ELMO1: variants seen among roughly 807,000 people sequenced by gnomAD.
ELMO1 encodes engulfment and cell motility protein 1.
A neutral mutation model predicts 98.9 loss-of-function variants in ELMO1; 26 were observed. That is an observed-to-expected ratio of 0.26 (90% CI 0.19 to 0.36). The LOEUF (loss-of-function observed/expected upper bound fraction) is 0.36, where lower values mean the gene tolerates loss of function less well. Among genes scored for constraint, ELMO1 ranks in the 10% least tolerant of loss-of-function variants. ELMO1 has a pLI of 1.00. For missense variants in ELMO1, 627 were observed against 935.2 expected (o/e 0.67, Z 4.30); for synonymous variants, 346 against 346.0 (o/e 1.00, Z 0.00).
intron 16 of ELMO1, among the ~76,000 whole-genome samples, chr7:36,924,861 G>C (rs1272535848): frequency 6.6e-6 from 1 of 152,158 alleles, no homozygotes; most frequent in Non-Finnish European, 1.5e-5. Flanking sequence ...AACAGCTTTG[G>C]GAAAGGTTGT....
chr7:36,960,456 AC>A (rs770748358), intron 16 of ELMO1, among the ~76,000 whole-genome samples: 6 of 152,034 alleles, frequency 3.9e-5, no homozygotes, highest in Non-Finnish European at 8.8e-5. Context: ...CTTGCTGTCC[AC>A]CTCAAGCCCT....
At chr7:36,862,971 C>T (rs3778706) in intron 20 of ELMO1, among the ~76,000 whole-genome samples, 67,707 of 152,082 alleles carry the variant, frequency 0.45, 15,998 homozygotes, top group Non-Finnish European at 0.53. Context: ...GAATTTCAGA[C>T]GGATTAAAGA....
At chr7:37,081,622 T>C (rs1797870200) in intron 15 of ELMO1, among the ~76,000 whole-genome samples, 1 of 152,218 alleles carries the variant, frequency 6.6e-6, no homozygotes, top group African/African-American at 2.4e-5. Context: ...CCCCTTTCAC[T>C]TGGCTCTCAT....
chr7:37,339,628 T>C (rs1800610612), intron 2 of ELMO1, among the ~76,000 whole-genome samples: 1 of 152,158 alleles, frequency 6.6e-6, no homozygotes, highest in Admixed American at 6.5e-5. Flanking sequence ...TACTTCTAAT[T>C]CTTGTGCCAA....
At chr7:37,041,942 C>T (rs1370215812) in intron 15 of ELMO1, among the ~76,000 whole-genome samples, 4 of 151,954 alleles carry the variant, frequency 2.6e-5, no homozygotes, top group South Asian at 2.1e-4. Flanking sequence ...TTACATTTCA[C>T]GATATATGTA....
chr7:37,305,275 GT>G (rs1248414092), intron 4 of ELMO1, among the ~76,000 whole-genome samples: 3 of 152,162 alleles, frequency 2.0e-5, no homozygotes, highest in Non-Finnish European at 4.4e-5. Context: ...CTTAGAGGAC[GT>G]TATTTGCTAT....
intron 4 of ELMO1, among the ~76,000 whole-genome samples, chr7:37,282,579 CA>C (rs1405667702): frequency 1.3e-5 from 2 of 151,966 alleles, no homozygotes; most frequent in East Asian, 3.9e-4. Flanking sequence ...GTTAAGGAAG[CA>C]TATTAGAAAT....
chr7:37,096,771 G>T lies in ELMO1; in HGVS notation c.1192-44C>A, dbSNP rs746114632. ...CAGATTAGAAAGGAAATTCAATTGT[G>T]GAAAACATCAAGAATATCACCTTCA... is the stretch of plus-strand genomic sequence containing the variant. On this transcript the variant is annotated intron_variant, in intron 14 of 21. Coordinates refer to ENST00000310758, the MANE Select transcript of ELMO1 (RefSeq NM_014800.11). 2.6e-6 allele frequency: 4 copies of T among 1,535,142 alleles called. No homozygotes were observed. The African/African-American group carries it at 5.5e-5, about 21-fold the overall frequency.
At chr7:37,344,228 C>T (rs979514554) in intron 1 of ELMO1, among the ~76,000 whole-genome samples, 16 of 152,058 alleles carry the variant, frequency 1.1e-4, no homozygotes, top group Admixed American at 8.5e-4. Context: ...GACAGGGTTT[C>T]GCCATGTTGG....
At chr7:37,120,631 C>T (rs1196098656) in intron 14 of ELMO1, among the ~76,000 whole-genome samples, 1 of 152,238 alleles carries the variant, frequency 6.6e-6, no homozygotes, top group Non-Finnish European at 1.5e-5. Context: ...GGCCGGGAAG[C>T]TCAAACTGGG....
chr7:37,086,440 C>A (rs1347162661), intron 15 of ELMO1, among the ~76,000 whole-genome samples: 1 of 150,268 alleles, frequency 6.7e-6, no homozygotes, highest in East Asian at 2.0e-4. Context: ...TATAGATGAA[C>A]CTGGGTGAAT....
At chr7:37,070,153 A>G (rs190929782) in intron 15 of ELMO1, among the ~76,000 whole-genome samples, 5 of 152,332 alleles carry the variant, frequency 3.3e-5, no homozygotes, top group African/African-American at 9.6e-5. Flanking sequence ...GTAAGGAGAT[A>G]GCAATCAAAG....
chr7:37,366,126 A>C (rs2131341599), intron 1 of ELMO1, among the ~76,000 whole-genome samples: 1 of 152,342 alleles, frequency 6.6e-6, no homozygotes, highest in East Asian at 1.9e-4. Flanking sequence ...ATGAGAAAGA[A>C]AATTCAGAAA....
At chr7:37,015,177 G>A (rs191444792) in intron 15 of ELMO1, among the ~76,000 whole-genome samples, 1 of 152,088 alleles carries the variant, frequency 6.6e-6, no homozygotes, top group African/African-American at 2.4e-5. Context: ...CATGGGCCTG[G>A]AGCAATGCAC....
Position 37,412,957 on chromosome 7 carries a change from C to G in ELMO1, c.-74+35718G>C, listed in dbSNP as rs1294368346. On this transcript the variant is annotated intron_variant, in intron 1 of 21. Coordinates refer to ENST00000310758, the MANE Select transcript of ELMO1 (RefSeq NM_014800.11). The stretch of plus-strand genomic sequence containing the variant: ...TGCAGCCCCAGCTGACATCTGACCA[C>G]CACTTCACAAAGGACCCTTAGCCAG... 3.9e-5 allele frequency among the ~76,000 whole-genome samples: 6 copies of G among 152,150 alleles called. No individual in the cohort carries two copies. The East Asian group carries it at 1.2e-3, about 29-fold the overall frequency.
chr7:36,991,309 T>C (rs770223224), intron 16 of ELMO1, among the ~76,000 whole-genome samples: 7 of 152,158 alleles, frequency 4.6e-5, no homozygotes, highest in Non-Finnish European at 7.4e-5. Flanking sequence ...ATCGTTTCCA[T>C]AACAGCAACA....
intron 4 of ELMO1, among the ~76,000 whole-genome samples, chr7:37,283,510 T>G (rs1238152721): frequency 6.6e-6 from 1 of 152,184 alleles, no homozygotes; most frequent in Non-Finnish European, 1.5e-5. Flanking sequence ...CTCTAATCTG[T>G]TAAACAGTAA....
intron 6 of ELMO1, among the ~76,000 whole-genome samples, chr7:37,253,332 G>A (rs971312865): frequency 2.0e-5 from 3 of 152,124 alleles, no homozygotes; most frequent in African/African-American, 7.2e-5. Context: ...CAACCCAAAT[G>A]TCCATCAATG....
chr7:37,113,666 T>C (rs959500403), intron 14 of ELMO1, among the ~76,000 whole-genome samples: 5 of 152,156 alleles, frequency 3.3e-5, no homozygotes, highest in African/African-American at 4.8e-5. Context: ...AAAATTCACA[T>C]GTTGAAGCTC....
Sources: gnomAD v4.1 joint callset for allele counts (sites outside exome capture counted in the v4.1 genomes callset) on GRCh38, gnomAD v4.1.1 for gene constraint, MANE v1.5 for transcripts, NCBI Gene and HGNC (gene_info 2026-07-23, HGNC 2026-07-21) for gene names.